Variants in GIGYF2 observed in about 807,000 individuals in gnomAD.
The protein encoded by GIGYF2 is GRB10-interacting GYF protein 2.
Under a neutral mutation model 208.1 loss-of-function variants are expected in GIGYF2, and 25 were observed. The ratio of observed to expected loss-of-function variants is 0.12; its 90% confidence interval spans 0.09 to 0.17. GIGYF2 has a LOEUF of 0.17. Ranked by LOEUF, GIGYF2 falls within the 10% of genes least tolerant of loss-of-function variation. The pLI is 1.00. For missense variants in GIGYF2, 1,302 were observed against 1,579.4 expected, an observed-to-expected ratio of 0.82 and a Z score of 2.98; for synonymous variants, 534 against 543.8, an observed-to-expected ratio of 0.98 and a Z score of 0.25.
In GIGYF2 at chr2:232,823,361, TTCTTTC is replaced by T. The variant is rs1159524145; in HGVS notation, c.2529+3378_2529+3383del. On this transcript the variant is annotated intron_variant, in intron 21 of 28. Transcript: ENST00000373563. ...AATTTTCTTTCTCTTTTTCCTTTCT[TTCTTTC>T]TTTTTTTTTTTTTTTATTGAGATGG... 1.6e-4 allele frequency among the ~76,000 whole-genome samples: 14 copies of T among 85,840 alleles called. No homozygotes were observed. The East Asian group carries it at 4.6e-3, about 28-fold the overall frequency. 56.3% of individuals were successfully genotyped at this position (85,840 alleles called of 152,430 possible). A position where few individuals can be genotyped will look rare whatever the true frequency, so the allele number is the denominator to read the frequency against.
At chr2:232,751,245 T>C (rs914035580) in intron 5 of GIGYF2, among the ~76,000 whole-genome samples, 3 of 152,208 alleles carry the variant, frequency 2.0e-5, no homozygotes, top group African/African-American at 7.2e-5. Context: ...GACTGAGTCT[T>C]GCTCAGTCAC....
At chr2:232,721,697 T>C (rs1696949802) in intron 2 of GIGYF2, among the ~76,000 whole-genome samples, 1 of 152,226 alleles carries the variant, frequency 6.6e-6, no homozygotes, top group Non-Finnish European at 1.5e-5. Context: ...AAACTCTCTT[T>C]CCTCTGAAGT....
chr2:232,756,219 GCAGA>G lies in GIGYF2; in HGVS notation c.268-3_268del. 1.3e-6 allele frequency: 1 copy of G among 780,752 alleles called. No homozygotes were observed. Among genetic ancestry groups the G allele is most frequent in the Non-Finnish European group, 1.7e-6 (1 of 581,158 alleles). The allele number at this position is 780,752 out of a possible 1,614,324, so 48.4% of individuals were successfully genotyped here. A position where few individuals can be genotyped will look rare whatever the true frequency, so the allele number is the denominator to read the frequency against. On this transcript the variant is annotated splice_acceptor_variant and splice_polypyrimidine_tract_variant and coding_sequence_variant and intron_variant, in exon 6 of 29. Coordinates refer to ENST00000373563, the MANE Select transcript of GIGYF2 (RefSeq NM_001103146.3). LOFTEE classifies it high-confidence loss of function. ...TCTCTTTTTTTTTTTTTTTTTTTTGGCAGAGAAACTTTTCCATGTCTGTAAATAG... is the reference window on the plus strand; with the variant it reads ...TCTCTTTTTTTTTTTTTTTTTTTTGGGAAACTTTTCCATGTCTGTAAATAG...
chr2:232,750,379 A>G (rs1398582605), intron 5 of GIGYF2, among the ~76,000 whole-genome samples: 1 of 152,158 alleles, frequency 6.6e-6, no homozygotes, highest in Non-Finnish European at 1.5e-5. Flanking sequence ...AATTCAACTA[A>G]TATTTTAATC....
intron 8 of GIGYF2, chr2:232,768,093 A>G (rs1699048908): frequency 2.5e-6 from 3 of 1,195,338 alleles, no homozygotes; most frequent in South Asian, 1.2e-5. Flanking sequence ...GTAGAGAGCT[A>G]TAATTAGCAT....
chr2:232,730,013 G>T, intron 2 of GIGYF2: 1 of 778,084 alleles, frequency 1.3e-6, no homozygotes, highest in Non-Finnish European at 2.3e-6. Flanking sequence ...TTTCTTTTTC[G>T]TAAGACTTGA....
rs1401157777 is a variant in GIGYF2 at position 232,703,452 on chromosome 2, C to T, written c.-81C>T. ...TAAAAGGATCTGAACAAAGTCTGCTCAAATCTCCTGCTGTGAACCAGCAGA... is the reference window on the plus strand; with the variant it reads ...TAAAAGGATCTGAACAAAGTCTGCTTAAATCTCCTGCTGTGAACCAGCAGA... On this transcript the variant is annotated 5_prime_UTR_variant, in exon 2 of 29. Transcript: ENST00000373563. 1 of 152,616 alleles carries T rather than the reference C, an allele frequency of 6.6e-6. No individual in the cohort carries two copies. 9.5% of individuals were successfully genotyped at this position (152,616 alleles called of 1,614,324 possible).
At chr2:232,840,928 C>T (rs1166151604) in intron 23 of GIGYF2, among the ~76,000 whole-genome samples, 1 of 152,132 alleles carries the variant, frequency 6.6e-6, no homozygotes, top group Non-Finnish European at 1.5e-5. Context: ...TCATGTGGTT[C>T]ACTGAAATTA....
intron 25 of GIGYF2, 59 bp from the exon 26 acceptor site, chr2:232,845,673 C>G (rs1701973497): frequency 2.2e-6 from 3 of 1,392,210 alleles, no homozygotes; most frequent in African/African-American, 2.8e-5. Context: ...TGGTGTTGTA[C>G]TATAATCATA....
At position 232,854,488 on chromosome 2, in the gene GIGYF2, G is replaced by C. The variant is rs143161243; in HGVS notation, c.3833-2305G>C. Among the ~76,000 whole-genome samples, 72 of 152,166 alleles carry C rather than the reference G, an allele frequency of 4.7e-4. No individual in the cohort carries two copies. In the East Asian group the frequency reaches 0.012, roughly 26 times the overall value. ...AGCCTGGGCGACAGAGTGAGACCTT[G>C]TCTTTAAAAATACATATATATGTAT... On this transcript the variant is annotated intron_variant, in intron 28 of 28. Transcript: ENST00000373563.
intron 2 of GIGYF2, among the ~76,000 whole-genome samples, chr2:232,726,909 C>T (rs1323483374): frequency 6.6e-6 from 1 of 152,132 alleles, no homozygotes; most frequent in Non-Finnish European, 1.5e-5. Flanking sequence ...TTTATTGCAG[C>T]ATTGTTCATA....
At chr2:232,698,103 G>A (rs959382601) in intron 1 of GIGYF2, among the ~76,000 whole-genome samples, 29 of 152,182 alleles carry the variant, frequency 1.9e-4, no homozygotes, top group African/African-American at 6.8e-4. Context: ...GTTTCCAAAA[G>A]CACTCTGAAT....
At chr2:232,825,868 C>G (rs973725008) in intron 21 of GIGYF2, among the ~76,000 whole-genome samples, 1 of 149,034 alleles carries the variant, frequency 6.7e-6, no homozygotes, top group Admixed American at 6.7e-5. Flanking sequence ...CCCCACCCCT[C>G]GACAGACCCT....
At chr2:232,733,800 G>A (rs1239117502) in intron 2 of GIGYF2, among the ~76,000 whole-genome samples, 1 of 152,158 alleles carries the variant, frequency 6.6e-6, no homozygotes, top group African/African-American at 2.4e-5. Context: ...CATAAATGCT[G>A]TGTAAATAGT....
At chr2:232,760,394 A>G in intron 6 of GIGYF2, 86 bp from the exon 7 acceptor site, 1 of 863,502 alleles carries the variant, frequency 1.2e-6, no homozygotes, top group Non-Finnish European at 1.9e-6. Context: ...GTATAGAGAT[A>G]GAACTTTAGA....
chr2:232,751,256 T>A (rs1698329205), intron 5 of GIGYF2, among the ~76,000 whole-genome samples: 1 of 152,198 alleles, frequency 6.6e-6, no homozygotes, highest in East Asian at 1.9e-4. Context: ...GCTCAGTCAC[T>A]CAGGCTGTAG....
intron 2 of GIGYF2, among the ~76,000 whole-genome samples, chr2:232,726,781 G>C (rs775660058): frequency 2.0e-5 from 3 of 152,070 alleles, no homozygotes; most frequent in African/African-American, 7.2e-5. Context: ...TCTTTCTAGA[G>C]GACTATCACT....
At chr2:232,718,621 A>G (rs1353005043) in intron 2 of GIGYF2, among the ~76,000 whole-genome samples, 2 of 152,222 alleles carry the variant, frequency 1.3e-5, no homozygotes, top group Non-Finnish European at 2.9e-5. Flanking sequence ...CAGGGTAGGC[A>G]TACAGTTTAG....
chr2:232,819,945 A>C lies in GIGYF2; in HGVS notation c.2489A>C (p.Glu830Ala), dbSNP rs1327472255. ...AGACTGGAAGAGAGGAGAAGAGAAGAGGAAGAAAGGCGGAAGCAGGAAGAA... is the reference window on the plus strand; with the variant it reads ...AGACTGGAAGAGAGGAGAAGAGAAGCGGAAGAAAGGCGGAAGCAGGAAGAA... The part of the protein sequence containing the change: ...LRRLEERRRE[E>A]EERRKQEELL... Residue 830 changes from glutamate to alanine, a missense_variant, in exon 21 of 29, where the codon GAG becomes GCG. Physicochemically the swap from Glu to Ala is moderately radical, Grantham distance 107. This residue lies in a region of GIGYF2 where 701 missense variants were observed against 793.0 expected (regional missense o/e 0.88). Transcript: ENST00000373563. 1.9e-6 allele frequency: 3 copies of C among 1,601,494 alleles called. No homozygotes were observed. The highest frequency in any genetic ancestry group is 1.7e-5 in the Admixed American group (1 of 59,960).
Sources: gnomAD v4.1 joint callset for allele counts (sites outside exome capture counted in the v4.1 genomes callset) on GRCh38, gnomAD v4.1.1 for gene constraint, gnomAD v4.1.1 regional missense constraint, MANE v1.5 for transcripts, NCBI Gene and HGNC (gene_info 2026-07-23, HGNC 2026-07-21) for gene names.